The following ST3GAL3 variants were observed in gnomAD, a reference collection of about 807,000 sequenced individuals.
The protein encoded by ST3GAL3 is ST3 beta-galactoside alpha-2,3-sialyltransferase 3, also known as CMP-N-acetylneuraminate-beta-1,4-galactoside alpha-2,3-sialyltransferase.
Under a neutral mutation model 50.1 loss-of-function variants are expected in ST3GAL3, and 21 were observed. That is an observed-to-expected ratio of 0.42 (90% confidence interval 0.30 to 0.60). The LOEUF (loss-of-function observed/expected upper bound fraction) is 0.60. Ranked by LOEUF, ST3GAL3 falls within the 20% of genes least tolerant of loss-of-function variation. The pLI is 0.19. For missense variants in ST3GAL3, 353 were observed against 489.4 expected (o/e 0.72, Z 2.63); for synonymous variants, 183 against 190.0 (o/e 0.96, Z 0.30).
chr1:43,813,413 T>C (rs1419418121), intron 3 of ST3GAL3, among the ~76,000 whole-genome samples: 1 of 152,246 alleles, frequency 6.6e-6, no homozygotes, highest in African/African-American at 2.4e-5. Flanking sequence ...TTTGTTTTTC[T>C]TACCAATGTT....
At chr1:43,835,757 C>T (rs147923796) in intron 4 of ST3GAL3, among the ~76,000 whole-genome samples, 116 of 152,308 alleles carry the variant, frequency 7.6e-4, no homozygotes, top group African/African-American at 2.6e-3. Flanking sequence ...CATCTTTCTG[C>T]TGTTTATGAA....
chr1:43,888,413 GC>G (rs1421451167), intron 5 of ST3GAL3, among the ~76,000 whole-genome samples: 2 of 151,998 alleles, frequency 1.3e-5, no homozygotes, highest in African/African-American at 4.8e-5. Flanking sequence ...TCTGCCTCCT[GC>G]TTTGAGAAAA....
chr1:43,778,912 G>A (rs560451011), intron 2 of ST3GAL3, among the ~76,000 whole-genome samples: 45 of 151,998 alleles, frequency 3.0e-4, no homozygotes, highest in African/African-American at 9.9e-4. Context: ...CTCCCAAAGC[G>A]CTGGGATTAC....
chr1:43,766,002 A>G (rs973870105), intron 2 of ST3GAL3, among the ~76,000 whole-genome samples: 27 of 152,228 alleles, frequency 1.8e-4, no homozygotes, highest in African/African-American at 6.0e-4. Flanking sequence ...AAGAAGCTTG[A>G]AGAGACAGGT....
At chr1:43,920,228 C>G in intron 9 of ST3GAL3, 176 bp from the exon 10 acceptor site, 1 of 706,598 alleles carries the variant, frequency 1.4e-6, no homozygotes, top group Non-Finnish European at 2.5e-6. Context: ...CCCCTTGTCC[C>G]TGTCACACAC....
At chr1:43,718,234 G>A (rs1668445636) in intron 1 of ST3GAL3, among the ~76,000 whole-genome samples, 1 of 121,132 alleles carries the variant, frequency 8.3e-6, no homozygotes, top group African/African-American at 3.3e-5. Context: ...CTGTCGCCCA[G>A]GCTGGAGTGC....
At chr1:43,911,488 G>GAT (rs2080828899) in intron 9 of ST3GAL3, among the ~76,000 whole-genome samples, 1 of 150,716 alleles carries the variant, frequency 6.6e-6, no homozygotes, top group Admixed American at 6.6e-5. Context: ...TTCAAGGAAG[G>GAT]ATATATATAG....
intron 2 of ST3GAL3, chr1:43,743,557 C>T (rs1682039953): frequency 4.9e-6 from 2 of 405,702 alleles, no homozygotes; most frequent in African/African-American, 2.1e-5. Context: ...ATTTAGTAAA[C>T]TAATGAAAGC....
chr1:43,736,644 A>G (rs1412719992), intron 2 of ST3GAL3: 8 of 565,646 alleles, frequency 1.4e-5, no homozygotes, highest in South Asian at 3.8e-5. Flanking sequence ...TAAAAACCCA[A>G]ACTATACTCA....
In ST3GAL3 at chr1:43,780,599, T is replaced by A. The variant is rs540805244; in HGVS notation, c.119-11503T>A. Among the ~76,000 whole-genome samples, 7 of 151,548 alleles carry A rather than the reference T, an allele frequency of 4.6e-5. No homozygotes were observed. The East Asian group carries it at 1.2e-3, about 25-fold the overall frequency. ...TAATCTTTTAAAAATATTTTAATCA[T>A]TTTCCATCTCTATCTTTTTGTTCTA... On this transcript the variant is annotated intron_variant, in intron 2 of 11. Coordinates refer to ENST00000347631, the MANE Select transcript of ST3GAL3 (RefSeq NM_006279.5).
At chr1:43,712,554 G>T (rs1041631245) in intron 1 of ST3GAL3, among the ~76,000 whole-genome samples, 2 of 152,178 alleles carry the variant, frequency 1.3e-5, no homozygotes, top group African/African-American at 4.8e-5. Flanking sequence ...AGCAAGTAAA[G>T]AATACATTAT....
intron 9 of ST3GAL3, among the ~76,000 whole-genome samples, chr1:43,909,746 CAT>C (rs2080466581): frequency 6.6e-6 from 1 of 152,164 alleles, no homozygotes; most frequent in Non-Finnish European, 1.5e-5. Flanking sequence ...CCTTGAAAAA[CAT>C]ATTTAGAACA....
rs2108202 is a variant in ST3GAL3, at chr1:43,930,114, C to T, written c.1039-18C>T. ...GTTTGAGCAAAGGCCCAACTGATCA[C>T]TTCATCTCTCCTTTCAGTCCTGGAC... On this transcript the variant is annotated intron_variant, in intron 11 of 11. Transcript: ENST00000347631. 0.73 allele frequency: 1,180,097 copies of T among 1,612,870 alleles called. 446,591 individuals are homozygous for T. The highest frequency in any genetic ancestry group is 0.79 in the Non-Finnish European group (928,770 of 1,179,086).
rs189790422 is a variant in ST3GAL3 at position 43,816,689 on chromosome 1, T to C, written c.209+1756T>C. Among the ~76,000 whole-genome samples the C allele has an allele frequency of 3.3e-5, 5 of 152,352 alleles. No individual in the cohort carries two copies. The East Asian group carries it at 9.6e-4, about 29-fold the overall frequency. On this transcript the variant is annotated intron_variant, in intron 4 of 11. Transcript: ENST00000347631. ...GATGAGGAGGACGCTCATCTCCTGC[T>C]GTCCTGACAGTTGGGTCCTGCAGAG...
intron 2 of ST3GAL3, chr1:43,739,299 C>A (rs534921686): frequency 6.6e-6 from 1 of 151,926 alleles, no homozygotes; most frequent in Admixed American, 6.6e-5. Context: ...CTCGGCTCAC[C>A]GCAGCTTCAA....
Position 43,781,399 on chromosome 1 carries a change from C to G in ST3GAL3, c.119-10703C>G, listed in dbSNP as rs1699304832. On this transcript the variant is annotated intron_variant, in intron 2 of 11. Transcript: ENST00000347631. ...TGGGAGGCAGCGGATCATTTGAGTC[C>G]AGGAATTTGAAACCAGCCTGGGCAA... 2.0e-5 allele frequency among the ~76,000 whole-genome samples: 3 copies of G among 151,936 alleles called. 1 individual carries two copies. The South Asian group carries it at 6.2e-4, about 32-fold the overall frequency.
At chr1:43,748,899 C>G (rs1572065102) in intron 2 of ST3GAL3, among the ~76,000 whole-genome samples, 1 of 152,040 alleles carries the variant, frequency 6.6e-6, no homozygotes. Flanking sequence ...ATAGCTGATT[C>G]TAAAATTTAT....
chr1:43,821,605 GA>G (rs1306264557), intron 4 of ST3GAL3, among the ~76,000 whole-genome samples: 1 of 152,180 alleles, frequency 6.6e-6, no homozygotes, highest in East Asian at 1.9e-4. Context: ...GGTTTGGAGA[GA>G]AACAGGAATA....
chr1:43,879,538 G>A (rs1225178141), intron 5 of ST3GAL3: 4 of 399,826 alleles, frequency 1.0e-5, no homozygotes, highest in Middle Eastern at 7.8e-4. Flanking sequence ...TATGTTTAGT[G>A]ATTGTATTAA....
Sources: allele counts gnomAD v4.1 joint callset (sites outside exome capture counted in the v4.1 genomes callset), GRCh38; gene constraint gnomAD v4.1.1; transcripts MANE v1.5; gene names NCBI Gene and HGNC (gene_info 2026-07-23, HGNC 2026-07-21).